ITGB3: variants seen among roughly 807,000 people sequenced by gnomAD.
ITGB3 encodes the protein integrin beta-3.
ITGB3 carries 48 observed loss-of-function variants against 85.8 expected under a neutral mutation model. The ratio of observed to expected loss-of-function variants is 0.56; its 90% CI spans 0.44 to 0.71. The LOEUF is 0.71. ITGB3 is among the 30% of genes least tolerant of loss of function. The probability of loss-of-function intolerance (pLI) is 0.00; values close to 1 mark genes in which losing one functional copy is unlikely to be tolerated. For missense variants in ITGB3, 861 were observed against 1,019.1 expected (o/e 0.84, Z 2.11); for synonymous variants, 363 against 395.6 (o/e 0.92, Z 0.98).
chr17:47,269,903 G>A (rs1029365354), intron 1 of ITGB3, among the ~76,000 whole-genome samples: 4 of 152,190 alleles, frequency 2.6e-5, no homozygotes, highest in African/African-American at 9.7e-5. Flanking sequence ...AAAAGAAAGA[G>A]GTTTAGTTGA....
Position 47,299,249 on chromosome 17 carries a change from C to A in ITGB3, c.1691-59C>A. On this transcript the variant is annotated intron_variant, in intron 10 of 14. Transcript: ENST00000559488. The surrounding 1 kb of genome is among the most constrained non-coding windows in gnomAD (Gnocchi z 5.1). ...GAGCAGGATGGTCGTGTGTAGCCTG[C>A]TGCCATGGGAGTGGAGCTCTCGCCA... 1 of 1,499,798 alleles carries A rather than the reference C, an allele frequency of 6.7e-7. No individual in the cohort carries two copies. Among genetic ancestry groups the A allele is most frequent in the Non-Finnish European group, 9.2e-7 (1 of 1,083,890 alleles). 92.9% of individuals were successfully genotyped at this position (1,499,798 alleles called of 1,614,324 possible). A position where few individuals can be genotyped will look rare whatever the true frequency, so the allele number is the denominator to read the frequency against.
At chr17:47,284,326 C>T in intron 3 of ITGB3, 117 bp from the exon 4 acceptor site, 1 of 1,185,928 alleles carries the variant, frequency 8.4e-7, no homozygotes, top group Non-Finnish European at 1.2e-6. Flanking sequence ...GGAAAAGGGA[C>T]CAGGGCTTTC....
intron 1 of ITGB3, among the ~76,000 whole-genome samples, chr17:47,272,015 A>G (rs1035584831): frequency 1.1e-4 from 17 of 151,464 alleles, no homozygotes; most frequent in Middle Eastern, 3.5e-3. Context: ...TCGGCCTCCC[A>G]AAGTGCTGGG....
At chr17:47,254,189 G>A (rs1226099600) in intron 1 of ITGB3, among the ~76,000 whole-genome samples, 2 of 152,136 alleles carry the variant, frequency 1.3e-5, no homozygotes, top group South Asian at 2.1e-4. Context: ...GCCAGGCTGA[G>A]CGCCTTCCCG....
Position 47,308,952 on chromosome 17 carries a change from C to G in ITGB3, c.2302-1187C>G, listed in dbSNP as rs1246142536. Among the ~76,000 whole-genome samples, 3 of 127,788 alleles carry G rather than the reference C, an allele frequency of 2.3e-5. No homozygotes were observed. In the South Asian group the frequency reaches 1.1e-3, roughly 45 times the overall value. 83.8% of individuals were successfully genotyped at this position (127,788 alleles called of 152,430 possible). A position where few individuals can be genotyped will look rare whatever the true frequency, so the allele number is the denominator to read the frequency against. The stretch of plus-strand genomic sequence containing the variant: ...CTCTCCCCTCCTCTCCCATTCCCTC[C>G]CCTCCCCTCCCCTCTCCTCCCCTCC... On this transcript the variant is annotated intron_variant, in intron 14 of 14. Coordinates refer to ENST00000559488, the MANE Select transcript of ITGB3 (RefSeq NM_000212.3).
intron 13 of ITGB3, among the ~76,000 whole-genome samples, chr17:47,306,923 G>A (rs147647604): frequency 6.6e-5 from 10 of 152,032 alleles, no homozygotes; most frequent in African/African-American, 9.6e-5. Context: ...CAGGTGCTCT[G>A]CCCACCTTGG....
intron 12 of ITGB3, among the ~76,000 whole-genome samples, chr17:47,302,094 C>T (rs1022402478): frequency 2.0e-5 from 3 of 151,952 alleles, no homozygotes; most frequent in Non-Finnish European, 4.4e-5. Flanking sequence ...GGAGGGTAAC[C>T]CCTAGTATCT....
chr17:47,304,584 CTTTT>C (rs1036317921), intron 13 of ITGB3, among the ~76,000 whole-genome samples: 2 of 151,962 alleles, frequency 1.3e-5, no homozygotes, highest in African/African-American at 4.8e-5. Flanking sequence ...TGGCTTCCTG[CTTTT>C]TTTGTTTTGT....
chr17:47,282,277 C>A (rs950399648), intron 2 of ITGB3, among the ~76,000 whole-genome samples: 1 of 152,144 alleles, frequency 6.6e-6, no homozygotes, highest in Admixed American at 6.6e-5. Flanking sequence ...GCATACAGTT[C>A]AGTGGCATGA....
At chr17:47,278,304 C>T (rs892697879) in intron 2 of ITGB3, among the ~76,000 whole-genome samples, 1 of 152,184 alleles carries the variant, frequency 6.6e-6, no homozygotes, top group Non-Finnish European at 1.5e-5. Flanking sequence ...AAAAGAGTCA[C>T]CTGCCAGGTG....
rs553184182 is a variant in ITGB3 at position 47,292,254 on chromosome 17, G to T, written c.1376G>T (p.Cys459Phe). 6.2e-7 allele frequency: 1 copy of T among 1,614,250 alleles called. No individual in the cohort carries two copies. Among genetic ancestry groups the T allele is most frequent in the African/African-American group, 1.3e-5 (1 of 75,066 alleles). The change falls in exon 10 of 15, where the codon TGT becomes TTT. Residue 459 changes from cysteine (C) to phenylalanine (F), a missense_variant. Physicochemically the swap from Cys to Phe is radical, Grantham distance 205. Coordinates refer to ENST00000559488, the MANE Select transcript of ITGB3 (RefSeq NM_000212.3). ...DSLIVQVTFD[C>F]DCACQAQAEP... ...CTGATCGTCCAGGTCACCTTTGATT[G>T]TGACTGTGCCTGCCAGGCCCAAGCT... is the stretch of plus-strand genomic sequence containing the variant.
intron 13 of ITGB3, 146 bp downstream of exon 13, chr17:47,302,986 A>G (rs1294386155): frequency 2.1e-6 from 2 of 930,298 alleles, no homozygotes; most frequent in African/African-American, 3.3e-5. Context: ...GGTGGTTAAC[A>G]CCTGTAATCC....
intron 2 of ITGB3, among the ~76,000 whole-genome samples, chr17:47,278,582 TAA>T (rs57066134): frequency 4.0e-4 from 58 of 145,566 alleles, no homozygotes; most frequent in East Asian, 6.0e-4. Context: ...AAACTCCATC[TAA>T]AAAAAAAAAA....
intron 10 of ITGB3, among the ~76,000 whole-genome samples, chr17:47,294,679 C>T (rs2065139212): frequency 6.6e-6 from 1 of 152,200 alleles, no homozygotes; most frequent in Admixed American, 6.5e-5. Flanking sequence ...GACAGATACT[C>T]AGGGGCGCAC....
intron 2 of ITGB3, among the ~76,000 whole-genome samples, chr17:47,280,954 A>G (rs1234543785): frequency 6.6e-6 from 1 of 152,194 alleles, no homozygotes; most frequent in Non-Finnish European, 1.5e-5. Context: ...CTGGCCTCTC[A>G]GTTCTGCCAC....
In ITGB3 at chr17:47,291,067, G is replaced by T. The variant is rs1318397688; in HGVS notation, c.1239G>T (p.Met413Ile). The T allele has an allele frequency of 6.2e-7, 1 of 1,614,038 alleles. No homozygotes were observed. The highest frequency in any genetic ancestry group is 1.7e-5 in the Admixed American group (1 of 60,004). ...TCATCCCTGGCCTCAAGTCTTGTAT[G>T]GGACTCAAGATTGGAGACACGGTGA... is the stretch of plus-strand genomic sequence containing the variant. ...NEVIPGLKSC[M>I]GLKIGDTVSF... Residue 413 changes from methionine to isoleucine, a missense_variant, in exon 9 of 15, where the codon ATG becomes ATT. Met to Ile is a conservative substitution (Grantham distance 10). Coordinates refer to ENST00000559488, the MANE Select transcript of ITGB3 (RefSeq NM_000212.3).
intron 1 of ITGB3, among the ~76,000 whole-genome samples, chr17:47,267,184 T>C (rs2065028761): frequency 1.3e-5 from 2 of 152,226 alleles, no homozygotes; most frequent in Admixed American, 1.3e-4. Context: ...AGGGTTTGGT[T>C]TATTTCATCC....
intron 2 of ITGB3, among the ~76,000 whole-genome samples, chr17:47,276,526 A>T (rs1420727634): frequency 6.6e-6 from 1 of 152,208 alleles, no homozygotes; most frequent in African/African-American, 2.4e-5. Context: ...AGCTAGGACC[A>T]AAGAAAACAA....
At position 47,299,294 on chromosome 17, in the gene ITGB3, C is replaced by A. The variant is rs1297199863; in HGVS notation, c.1691-14C>A. The A allele has an allele frequency of 6.2e-7, 1 of 1,612,854 alleles. No homozygotes were observed. Among genetic ancestry groups the A allele is most frequent in the Non-Finnish European group, 8.5e-7 (1 of 1,179,658 alleles). On this transcript the variant is annotated splice_polypyrimidine_tract_variant and intron_variant, in intron 10 of 14. Coordinates refer to ENST00000559488, the MANE Select transcript of ITGB3 (RefSeq NM_000212.3). The surrounding 1 kb of genome is among the most constrained non-coding windows in gnomAD (Gnocchi z 5.1). The stretch of plus-strand genomic sequence containing the variant: ...TCGCCAGCGGGTCCACCTTCCTGGG[C>A]TGTGTGTTTTCAGGCCATGGCCAGT...
Sources: allele counts gnomAD v4.1 joint callset (sites outside exome capture counted in the v4.1 genomes callset), GRCh38; gene constraint gnomAD v4.1.1; non-coding constraint Gnocchi (gnomAD v3.1); transcripts MANE v1.5; gene names NCBI Gene and HGNC (gene_info 2026-07-23, HGNC 2026-07-21).